The following KHDC1 variants were observed in gnomAD, a reference collection of about 807,000 sequenced individuals.
KHDC1 encodes KH domain containing 1.
Under a neutral mutation model 24.7 loss-of-function variants are expected in KHDC1, and 21 were observed. The observed-to-expected ratio is 0.85, with a 90% CI of 0.60 to 1.23. KHDC1 has a LOEUF of 1.23. KHDC1 is among the 50% of genes most tolerant of loss of function. The pLI is 0.00. For missense variants in KHDC1, 274 were observed against 298.5 expected, an observed-to-expected ratio of 0.92 and a Z score of 0.61; for synonymous variants, 98 against 111.7, an observed-to-expected ratio of 0.88 and a Z score of 0.77.
chr6:73,261,436 AAAAT>A (rs768391364), intron 2 of KHDC1, among the ~76,000 whole-genome samples: 72 of 151,906 alleles, frequency 4.7e-4, no homozygotes, highest in Non-Finnish European at 7.5e-4. Flanking sequence ...TCTGTCTCAA[AAAAT>A]AAATAAATAA....
chr6:73,297,712 T>A lies in KHDC1; in HGVS notation c.164-5672A>T, dbSNP rs188725024. 3.0e-3 allele frequency among the ~76,000 whole-genome samples: 451 copies of A among 152,242 alleles called. 4 individuals carry two copies. The highest frequency in any genetic ancestry group is 0.01 in the African/African-American group (420 of 41,554). ...TATGCTTTTAAGTGTTCTTTCTTTT[T>A]AAAAAATCATTATTGGAAAATGCAA... On this transcript the variant is annotated intron_variant, in intron 1 of 4. Coordinates refer to ENST00000370384, the Ensembl canonical transcript of KHDC1.
intron 2 of KHDC1, among the ~76,000 whole-genome samples, chr6:73,267,876 G>C (rs1401223812): frequency 6.6e-6 from 1 of 150,382 alleles, no homozygotes; most frequent in Non-Finnish European, 1.5e-5. Context: ...CGTTCTTGTT[G>C]CCCAGCCTGG....
At chr6:73,257,186 G>C (rs1766894445) in intron 2 of KHDC1, among the ~76,000 whole-genome samples, 1 of 152,196 alleles carries the variant, frequency 6.6e-6, no homozygotes, top group Admixed American at 6.5e-5. Context: ...CCAGCTACTT[G>C]AGAGGCTGAG....
At chr6:73,303,433 G>A (rs2124003) in intron 1 of KHDC1, among the ~76,000 whole-genome samples, 14,551 of 152,124 alleles carry the variant, frequency 0.096, 778 homozygotes, top group East Asian at 0.18. Flanking sequence ...TGATGGTTTA[G>A]GCAGAAACAA....
At chr6:73,277,850 G>A (rs1228694212) in intron 2 of KHDC1, among the ~76,000 whole-genome samples, 1 of 143,720 alleles carries the variant, frequency 7.0e-6, no homozygotes, top group East Asian at 2.0e-4. Context: ...TCTGTATGAT[G>A]GAGATCGTGT....
exon 5 of KHDC1, chr6:73,241,489 C>A (rs776040074): frequency 1.3e-6 from 2 of 1,592,732 alleles, no homozygotes; most frequent in Non-Finnish European, 1.7e-6. Flanking sequence ...GCCAAGATTT[C>A]TCCTCTCATC....
chr6:73,296,209 C>A (rs12526214), intron 1 of KHDC1, among the ~76,000 whole-genome samples: 1 of 151,504 alleles, frequency 6.6e-6, no homozygotes, highest in Non-Finnish European at 1.5e-5. Flanking sequence ...AATCCTAGCA[C>A]TTTGGGAGGC....
chr6:73,245,989 G>A (rs1766658040), intron 2 of KHDC1, among the ~76,000 whole-genome samples: 1 of 152,170 alleles, frequency 6.6e-6, no homozygotes, highest in South Asian at 2.1e-4. Flanking sequence ...AGGATTCCGG[G>A]TTATTGGACT....
At position 73,246,398 on chromosome 6, in the gene KHDC1, CATT is replaced by C. The variant is rs200488128; in HGVS notation, c.207-3871_207-3869del. On this transcript the variant is annotated intron_variant, in intron 2 of 4. Coordinates refer to ENST00000370384, the Ensembl canonical transcript of KHDC1. ...TTAAACATTAATCATTAACAAGAAACATTAATATTTTAAAAAGAACTTTCCAAA... is the reference window on the plus strand; with the variant it reads ...TTAAACATTAATCATTAACAAGAAACAATATTTTAAAAAGAACTTTCCAAA... 2.7e-3 allele frequency among the ~76,000 whole-genome samples: 405 copies of C among 152,222 alleles called. 5 individuals carry two copies. The highest frequency in any genetic ancestry group is 0.022 in the South Asian group (106 of 4,820).
rs572335873 is a variant in KHDC1, at chr6:73,283,032, G to T, written c.206+8966C>A. Among the ~76,000 whole-genome samples, 54 of 152,320 alleles carry T rather than the reference G, an allele frequency of 3.5e-4. 1 individual carries two copies. Among genetic ancestry groups the T allele is most frequent in the African/African-American group, 1.3e-3 (52 of 41,568 alleles). ...GCCACTGGGCAGTTACATACCGGAG[G>T]TACATGCTATTAACATGACTTCACT... is the stretch of plus-strand genomic sequence containing the variant. On this transcript the variant is annotated intron_variant, in intron 2 of 4. Coordinates refer to ENST00000370384, the Ensembl canonical transcript of KHDC1.
At chr6:73,241,989 T>C (rs1189651128) in intron 4 of KHDC1, 66 bp downstream of exon 3, 2 of 1,510,694 alleles carry the variant, frequency 1.3e-6, no homozygotes, top group Non-Finnish European at 1.8e-6. Flanking sequence ...GAATCCAAGA[T>C]GCTACACAAC....
intron 2 of KHDC1, among the ~76,000 whole-genome samples, chr6:73,244,706 G>GC (rs1416460926): frequency 5.0e-5 from 7 of 140,824 alleles, no homozygotes; most frequent in Non-Finnish European, 1.1e-4. Context: ...GGGGGGCGGG[G>GC]GGGGGCTCCG....
intron 2 of KHDC1, chr6:73,268,291 T>A (rs148245690): frequency 2.6e-5 from 4 of 153,976 alleles, no homozygotes; most frequent in African/African-American, 9.6e-5. Flanking sequence ...TTTTCGTTCC[T>A]CCCAGTGGGC....
intron 2 of KHDC1, among the ~76,000 whole-genome samples, chr6:73,278,514 G>A (rs2150657326): frequency 6.6e-6 from 1 of 152,242 alleles, no homozygotes; most frequent in Non-Finnish European, 1.5e-5. Context: ...ATGAGCCACT[G>A]TAGTCTAGCC....
intron 2 of KHDC1, chr6:73,269,687 G>A (rs192866121): frequency 2.6e-5 from 4 of 152,060 alleles, no homozygotes; most frequent in African/African-American, 9.6e-5. Flanking sequence ...GGTGTGATTC[G>A]ATTTAGGTTG....
chr6:73,263,221 C>T, intron 2 of KHDC1, 25 bp from the exon 1 acceptor site: 1 of 987,214 alleles, frequency 1.0e-6, no homozygotes, highest in Non-Finnish European at 1.2e-6. Flanking sequence ...CGGAAGCGCG[C>T]GGCTGCGGCG....
intron 2 of KHDC1, among the ~76,000 whole-genome samples, chr6:73,288,149 C>A (rs1404478527): frequency 2.0e-5 from 3 of 152,168 alleles, no homozygotes; most frequent in Non-Finnish European, 4.4e-5. Context: ...CAGATGGATC[C>A]GAGAAGACGG....
exon 5 of KHDC1, chr6:73,241,511 G>T (rs528287481): frequency 6.2e-7 from 1 of 1,610,770 alleles, no homozygotes; most frequent in Admixed American, 1.7e-5. Context: ...CCACTTCCCA[G>T]GGGAGATCAG....
At chr6:73,264,308 G>A (rs968190186) in intron 2 of KHDC1, among the ~76,000 whole-genome samples, 3 of 152,226 alleles carry the variant, frequency 2.0e-5, no homozygotes, top group African/African-American at 4.8e-5. Context: ...GGTCAAGATA[G>A]CTAAGATGAG....
Sources: gnomAD v4.1 joint callset for allele counts (sites outside exome capture counted in the v4.1 genomes callset) on GRCh38, gnomAD v4.1.1 for gene constraint, MANE v1.5 for transcripts, NCBI Gene and HGNC (gene_info 2026-07-23, HGNC 2026-07-21) for gene names.